SV2B: variants seen among roughly 807,000 people sequenced by gnomAD.
SV2B encodes the protein solute carrier family 22 member B2.
A neutral mutation model predicts 73.9 loss-of-function variants in SV2B; 41 were observed. The ratio of observed to expected loss-of-function variants is 0.56; its 90% CI spans 0.43 to 0.72. The LOEUF (loss-of-function observed/expected upper bound fraction) is 0.72, where lower values mean the gene tolerates loss of function less well. Ranked by LOEUF, SV2B falls within the 30% of genes least tolerant of loss-of-function variation. The pLI, the probability that SV2B is intolerant of heterozygous loss-of-function variation, is 0.00. For synonymous variants in SV2B, 314 were observed against 314.2 expected (o/e 1.00, Z 0.01); for missense variants, 764 against 857.8 (o/e 0.89, Z 1.37).
intron 1 of SV2B, among the ~76,000 whole-genome samples, chr15:91,222,509 A>C (rs2046252008): frequency 6.6e-6 from 1 of 152,194 alleles, no homozygotes; most frequent in Non-Finnish European, 1.5e-5. Flanking sequence ...TAGTCCTGTA[A>C]TGCCTTCAGC....
At chr15:91,250,659 A>G (rs2047447895) in intron 2 of SV2B, among the ~76,000 whole-genome samples, 2 of 152,342 alleles carry the variant, frequency 1.3e-5, no homozygotes, top group East Asian at 1.9e-4. Context: ...TAATGTTTCT[A>G]TATGCTAACA....
Position 91,268,386 on chromosome 15 carries a change from A to G in SV2B, c.1209-55A>G. On this transcript the variant is annotated intron_variant, in intron 8 of 12. Transcript: ENST00000394232. This position sits in a 1 kb window ranked among gnomAD's most constrained non-coding sequence, Gnocchi z 4.4. The stretch of plus-strand genomic sequence containing the variant: ...CATCAAGTCAAGAGTGTAGACCCTG[A>G]TCATGAAAGAATGAATCCTGTTGTT... 1 of 1,558,514 alleles carries G rather than the reference A, an allele frequency of 6.4e-7. No individual in the cohort carries two copies. The highest frequency in any genetic ancestry group is 8.8e-7 in the Non-Finnish European group (1 of 1,142,296).
At position 91,260,349 on chromosome 15, in the gene SV2B, T is replaced by G. The variant is rs1395078024; in HGVS notation, c.948T>G (p.Ile316Met). The change falls in exon 6 of 13, where the codon ATT becomes ATG. Residue 316 changes from isoleucine to methionine, a missense_variant. Transcript: ENST00000394232. ...EMGKHDEAWM[I>M]LKQVHDTNMR... The stretch of plus-strand genomic sequence containing the variant: ...GCAAACATGATGAAGCCTGGATGAT[T>G]CTCAAGCAAGTCCATGACACCAACA... 1 of 1,613,500 alleles carries G rather than the reference T, an allele frequency of 6.2e-7. No homozygotes were observed. The highest frequency in any genetic ancestry group is 8.5e-7 in the Non-Finnish European group (1 of 1,179,792).
intron 1 of SV2B, among the ~76,000 whole-genome samples, chr15:91,154,905 C>A (rs181646189): frequency 2.0e-4 from 30 of 152,162 alleles, no homozygotes; most frequent in South Asian, 1.5e-3. Flanking sequence ...GAGCATGGTT[C>A]CTTGGGGAGG....
Position 91,289,591 on chromosome 15 carries a change from C to T in SV2B, c.1779C>T (p.Ile593=), listed in dbSNP as rs369552317. Residue 593 remains isoleucine (I), a synonymous_variant, in exon 12 of 13, where the codon ATC becomes ATT. Coordinates refer to ENST00000394232, the MANE Select transcript of SV2B (RefSeq NM_001323032.3). This position sits in a 1 kb window ranked among gnomAD's most constrained non-coding sequence, Gnocchi z 4.9. The part of the protein sequence containing the change: ...LFFGNSESAM[I]GWQCLFCGTS... Reference sequence around the variant, plus strand: ...TTGGCAACAGTGAGTCTGCAATGATCGGCTGGCAGTGCCTGTTCTGTGGGA... The same window carrying T: ...TTGGCAACAGTGAGTCTGCAATGATTGGCTGGCAGTGCCTGTTCTGTGGGA... The T allele has an allele frequency of 2.7e-5, 43 of 1,614,208 alleles. No individual in the cohort carries two copies. The highest frequency in any genetic ancestry group is 2.3e-4 in the African/African-American group (17 of 75,060).
chr15:91,228,111 C>G (rs373514665), intron 2 of SV2B, among the ~76,000 whole-genome samples: 4 of 152,104 alleles, frequency 2.6e-5, no homozygotes, highest in Non-Finnish European at 5.9e-5. Context: ...AAATAAAGAA[C>G]CTCTGCATAA....
chr15:91,207,576 G>A (rs566236175), intron 1 of SV2B, among the ~76,000 whole-genome samples: 1 of 152,226 alleles, frequency 6.6e-6, no homozygotes, highest in South Asian at 2.1e-4. Flanking sequence ...ATGTTGTAGG[G>A]AAGAAAAATA....
At chr15:91,171,193 C>T (rs1053921582) in intron 1 of SV2B, among the ~76,000 whole-genome samples, 1 of 152,166 alleles carries the variant, frequency 6.6e-6, no homozygotes, top group Non-Finnish European at 1.5e-5. Context: ...GTCCCTGGAA[C>T]TGGGCTCTGA....
At chr15:91,213,899 G>C (rs933915951) in intron 1 of SV2B, among the ~76,000 whole-genome samples, 1 of 152,150 alleles carries the variant, frequency 6.6e-6, no homozygotes, top group African/African-American at 2.4e-5. Flanking sequence ...GTAGAGCTGT[G>C]CTGGCCCCCA....
intron 6 of SV2B, among the ~76,000 whole-genome samples, chr15:91,266,341 T>C (rs1259480319): frequency 6.6e-6 from 1 of 152,164 alleles, no homozygotes; most frequent in African/African-American, 2.4e-5. Flanking sequence ...TCTCCTCATA[T>C]CCTCAGTCCT....
intron 1 of SV2B, among the ~76,000 whole-genome samples, chr15:91,159,439 G>A (rs1190287265): frequency 6.6e-6 from 1 of 152,020 alleles, no homozygotes; most frequent in Non-Finnish European, 1.5e-5. Context: ...CCAAATAATT[G>A]CATTAACAAT....
At chr15:91,210,091 C>G (rs2045800521) in intron 1 of SV2B, among the ~76,000 whole-genome samples, 1 of 151,748 alleles carries the variant, frequency 6.6e-6, no homozygotes, top group South Asian at 2.1e-4. Flanking sequence ...CCAATGACAC[C>G]CGGGGGCTGA....
intron 1 of SV2B, among the ~76,000 whole-genome samples, chr15:91,150,568 CTCT>C (rs1264262947): frequency 6.6e-6 from 1 of 152,176 alleles, no homozygotes; most frequent in Non-Finnish European, 1.5e-5. Flanking sequence ...GTGAATGCCC[CTCT>C]TCTTCTTTGG....
intron 9 of SV2B, among the ~76,000 whole-genome samples, chr15:91,273,880 A>G (rs76893659): frequency 2.2e-3 from 329 of 152,284 alleles, no homozygotes; most frequent in African/African-American, 7.2e-3. Context: ...CACTTTTTGC[A>G]TATACATGTG....
At position 91,252,327 on chromosome 15, in the gene SV2B, T is replaced by G. The variant is rs1019396002; in HGVS notation, c.633-42T>G. ...TGGTTTCTGCTGTGACCATTTTTAG[T>G]GTATGACTTGATTCTTTCTCTCTGG... On this transcript the variant is annotated intron_variant, in intron 3 of 12. Coordinates refer to ENST00000394232, the MANE Select transcript of SV2B (RefSeq NM_001323032.3). This position sits in a 1 kb window ranked among gnomAD's most constrained non-coding sequence, Gnocchi z 4.6. 6.4e-7 allele frequency: 1 copy of G among 1,572,242 alleles called. No individual in the cohort carries two copies. Among genetic ancestry groups the G allele is most frequent in the Admixed American group, 1.8e-5 (1 of 56,398 alleles).
rs989253013 is a variant in SV2B at position 91,234,962 on chromosome 15, C to G, written c.451+8248C>G. Among the ~76,000 whole-genome samples, 12 of 152,268 alleles carry G rather than the reference C, an allele frequency of 7.9e-5. No individual in the cohort carries two copies. The highest frequency in any genetic ancestry group is 2.6e-4 in the African/African-American group (11 of 41,560). On this transcript the variant is annotated intron_variant, in intron 2 of 12. Transcript: ENST00000394232. This position sits in a 1 kb window ranked among gnomAD's most constrained non-coding sequence, Gnocchi z 5.6. Reference sequence around the variant, plus strand: ...TAGGAGCTTATGGTGGTTAGGTGATCAATGGAGTTTTAGCTCAGGTCCATC... The same window carrying G: ...TAGGAGCTTATGGTGGTTAGGTGATGAATGGAGTTTTAGCTCAGGTCCATC...
intron 1 of SV2B, among the ~76,000 whole-genome samples, chr15:91,162,890 A>T (rs1178754084): frequency 6.6e-6 from 1 of 152,106 alleles, no homozygotes; most frequent in African/African-American, 2.4e-5. Context: ...CATTTACATT[A>T]GGTATATCTC....
chr15:91,246,196 G>T (rs932456551), intron 2 of SV2B, among the ~76,000 whole-genome samples: 1 of 151,968 alleles, frequency 6.6e-6, no homozygotes, highest in Non-Finnish European at 1.5e-5. Flanking sequence ...CTATTTAAAG[G>T]GCATACTACT....
chr15:91,169,538 A>G (rs937311640), intron 1 of SV2B, among the ~76,000 whole-genome samples: 7 of 151,270 alleles, frequency 4.6e-5, no homozygotes, highest in Non-Finnish European at 8.8e-5. Flanking sequence ...GGAAAACACC[A>G]GTTTTGCTAT....
Sources: gnomAD v4.1 joint callset for allele counts (sites outside exome capture counted in the v4.1 genomes callset) on GRCh38, gnomAD v4.1.1 for gene constraint, Gnocchi (gnomAD v3.1) non-coding constraint, MANE v1.5 for transcripts, NCBI Gene and HGNC (gene_info 2026-07-23, HGNC 2026-07-21) for gene names.